The following PCDHGA1 variants were observed in gnomAD, a reference collection of about 807,000 sequenced individuals.
The protein encoded by PCDHGA1 is protocadherin gamma-A1.
PCDHGA1 carries 32 observed loss-of-function variants against 58.0 expected under a neutral mutation model. The ratio of observed to expected loss-of-function variants is 0.55; its 90% CI spans 0.42 to 0.74. PCDHGA1 has a LOEUF of 0.74. Ranked by LOEUF, PCDHGA1 falls within the 30% of genes least tolerant of loss-of-function variation. The probability of loss-of-function intolerance (pLI) is 0.00; values close to 1 mark genes in which losing one functional copy is unlikely to be tolerated. For synonymous variants in PCDHGA1, 498 were observed against 501.1 expected (o/e 0.99, Z 0.08); for missense variants, 1,205 against 1,182.3 (o/e 1.02, Z -0.28).
In PCDHGA1 at chr5:141,486,600, C is replaced by G. The variant is rs748395954; in HGVS notation, c.2422-8207C>G. Reference sequence around the variant, plus strand: ...AATCGCCCAGGGGACCTGCTTTGCTCCCTTGCAGCCTCTGACCCAGACTCT... The same window carrying G: ...AATCGCCCAGGGGACCTGCTTTGCTGCCTTGCAGCCTCTGACCCAGACTCT... On this transcript the variant is annotated intron_variant, in intron 1 of 3. Transcript: ENST00000517417. This position sits in a 1 kb window ranked among gnomAD's most constrained non-coding sequence, Gnocchi z 5.0. 21 of 1,613,602 alleles carry G rather than the reference C, an allele frequency of 1.3e-5. No individual in the cohort carries two copies. Among genetic ancestry groups the G allele is most frequent in the South Asian group, 2.2e-5 (2 of 91,086 alleles).
In PCDHGA1 at chr5:141,485,126, G is replaced by C; in HGVS notation, c.2422-9681G>C. ...TGCTGTGGCTGTTTGGGGCGGGTCG[G>C]CTTCATCCGCGTCTCAGGAGCAAGT... On this transcript the variant is annotated intron_variant, in intron 1 of 3. Transcript: ENST00000517417. The surrounding 1 kb of genome is among the most constrained non-coding windows in gnomAD (Gnocchi z 5.7). 1.4e-6 allele frequency: 2 copies of C among 1,432,378 alleles called. No homozygotes were observed. The highest frequency in any genetic ancestry group is 2.4e-5 in the South Asian group (2 of 81,724). 88.7% of individuals were successfully genotyped at this position (1,432,378 alleles called of 1,614,324 possible). A position where few individuals can be genotyped will look rare whatever the true frequency, so the allele number is the denominator to read the frequency against.
chr5:141,381,910 A>G (rs1007248325), intron 1 of PCDHGA1, among the ~76,000 whole-genome samples: 10 of 130,320 alleles, frequency 7.7e-5, no homozygotes, highest in Admixed American at 5.1e-4. Context: ...GCTCACCACA[A>G]CCTCCACCTC....
intron 1 of PCDHGA1, chr5:141,341,083 C>T: frequency 6.2e-6 from 10 of 1,614,244 alleles, no homozygotes; most frequent in Non-Finnish European, 8.5e-6. Flanking sequence ...CCTGCGTCTT[C>T]CTGGCCTTCG....
rs528006670 is a variant in PCDHGA1, at chr5:141,337,093, C to T, written c.2421+3988C>T. 2.0e-4 allele frequency among the ~76,000 whole-genome samples: 28 copies of T among 142,066 alleles called. 1 individual carries two copies. The highest frequency in any genetic ancestry group is 3.5e-3 in the Middle Eastern group (1 of 288). The allele number at this position is 142,066 out of a possible 152,430, so 93.2% of individuals were successfully genotyped here. A position where few individuals can be genotyped will look rare whatever the true frequency, so the allele number is the denominator to read the frequency against. On this transcript the variant is annotated intron_variant, in intron 1 of 3. Transcript: ENST00000517417. ...CCATAATGAGATACTACTCCACATT[C>T]ATTAGAATTGCTGTCATAAAAGAAA...
intron 1 of PCDHGA1, chr5:141,428,370 C>A: frequency 1.8e-6 from 1 of 540,734 alleles, no homozygotes; most frequent in Non-Finnish European, 3.4e-6. Flanking sequence ...TCGCCTTGCA[C>A]CTGCGATGCT....
chr5:141,401,171 G>A (rs1222326375), intron 1 of PCDHGA1, among the ~76,000 whole-genome samples: 1 of 152,054 alleles, frequency 6.6e-6, no homozygotes, highest in African/African-American at 2.4e-5. Context: ...GTGAAAACCC[G>A]TCTCTACTAA....
chr5:141,393,805 C>T (rs1266380650), intron 1 of PCDHGA1: 3 of 1,613,914 alleles, frequency 1.9e-6, no homozygotes, highest in South Asian at 1.1e-5. Flanking sequence ...CTGGGGAGGA[C>T]CAAATTGCTC....
chr5:141,485,867 G>A lies in PCDHGA1; in HGVS notation c.2422-8940G>A. On this transcript the variant is annotated intron_variant, in intron 1 of 3. Coordinates refer to ENST00000517417, the MANE Select transcript of PCDHGA1 (RefSeq NM_018912.3). The surrounding 1 kb of genome is among the most constrained non-coding windows in gnomAD (Gnocchi z 5.7). ...TGGCACCGCAGAGCTCCGGGTATCC[G>A]TGCTGGACGTAAACGACAACGCCCC... The A allele has an allele frequency of 1.9e-6, 3 of 1,614,164 alleles. No homozygotes were observed. Among genetic ancestry groups the A allele is most frequent in the Non-Finnish European group, 8.5e-7 (1 of 1,180,040 alleles).
At position 141,330,659 on chromosome 5, in the gene PCDHGA1, G is replaced by A. The variant is rs750013673; in HGVS notation, c.-26G>A. The stretch of plus-strand genomic sequence containing the variant: ...AAACGATACCCTTGGTACTGGACTG[G>A]AAGAAAACTACGAAGTGAGAGAGCC... On this transcript the variant is annotated 5_prime_UTR_variant, in exon 1 of 4. Coordinates refer to ENST00000517417, the MANE Select transcript of PCDHGA1 (RefSeq NM_018912.3). 9 of 1,579,988 alleles carry A rather than the reference G, an allele frequency of 5.7e-6. No individual in the cohort carries two copies. The highest frequency in any genetic ancestry group is 7.7e-6 in the Non-Finnish European group (9 of 1,161,706).
chr5:141,339,082 A>G (rs1177306848), intron 1 of PCDHGA1: 2 of 1,614,196 alleles, frequency 1.2e-6, no homozygotes, highest in Admixed American at 1.7e-5. Flanking sequence ...CTGTGCGGGA[A>G]GAGATCGACA....
chr5:141,511,031 A>G lies in PCDHGA1; in HGVS notation c.2654A>G (p.Gln885Arg). 6.2e-7 allele frequency: 1 copy of G among 1,614,244 alleles called. No individual in the cohort carries two copies. The highest frequency in any genetic ancestry group is 8.5e-7 in the Non-Finnish European group (1 of 1,180,034). ...SARYGPQFTL[Q>R]HVPDYRQNVY... Reference sequence around the variant, plus strand: ...CGCTACGGACCCCAGTTCACCCTGCAGCACGTGCCCGACTACCGCCAGAAT... The same window carrying G: ...CGCTACGGACCCCAGTTCACCCTGCGGCACGTGCCCGACTACCGCCAGAAT... The change falls in exon 4 of 4, where the codon CAG (glutamine) becomes CGG (arginine). Residue 885 changes from glutamine to arginine, a missense_variant. Gln to Arg is a conservative substitution (Grantham distance 43). Coordinates refer to ENST00000517417, the MANE Select transcript of PCDHGA1 (RefSeq NM_018912.3).
chr5:141,382,666 G>A (rs910632221), intron 1 of PCDHGA1: 20 of 422,596 alleles, frequency 4.7e-5, no homozygotes, highest in African/African-American at 3.6e-4. Flanking sequence ...TCACAGCGCC[G>A]CTGTTCACCA....
At chr5:141,394,112 C>G (rs771784855) in intron 1 of PCDHGA1, 9 of 1,613,946 alleles carry the variant, frequency 5.6e-6, no homozygotes, top group African/African-American at 2.7e-5. Flanking sequence ...CACCTCTGTC[C>G]ACTGAAACTC....
rs748605515 is a variant in PCDHGA1 at position 141,486,688 on chromosome 5, C to T, written c.2422-8119C>T. ...CCAGGAATCGAGATGTATCAGCTTC[C>T]TCTTTCATCTCTCTGAACCCCCAGA... On this transcript the variant is annotated intron_variant, in intron 1 of 3. Transcript: ENST00000517417. The surrounding 1 kb of genome is among the most constrained non-coding windows in gnomAD (Gnocchi z 5.0). 2 of 1,614,170 alleles carry T rather than the reference C, an allele frequency of 1.2e-6. No individual in the cohort carries two copies. The highest frequency in any genetic ancestry group is 1.1e-5 in the South Asian group (1 of 91,086).
chr5:141,359,948 A>C, intron 1 of PCDHGA1: 1 of 539,450 alleles, frequency 1.9e-6, no homozygotes, highest in Non-Finnish European at 3.0e-6. Context: ...GCTGTTGGTC[A>C]AAAGAACGAA....
intron 1 of PCDHGA1, among the ~76,000 whole-genome samples, chr5:141,494,328 G>T (rs1595238527): frequency 6.6e-6 from 1 of 152,200 alleles, no homozygotes; most frequent in Non-Finnish European, 1.5e-5. Flanking sequence ...CACCAAAAGG[G>T]TTACCAAGAA....
At chr5:141,473,779 T>C (rs2099328680) in intron 1 of PCDHGA1, among the ~76,000 whole-genome samples, 1 of 152,204 alleles carries the variant, frequency 6.6e-6, no homozygotes, top group Non-Finnish European at 1.5e-5. Context: ...GGTATTTTAA[T>C]TCAAGAGCAG....
intron 1 of PCDHGA1, chr5:141,375,115 A>G (rs987989099): frequency 1.2e-6 from 2 of 1,613,958 alleles, no homozygotes; most frequent in Non-Finnish European, 1.7e-6. Flanking sequence ...ATGATAATGT[A>G]CCAGAAGTGG....
intron 1 of PCDHGA1, chr5:141,403,389 C>A (rs764725441): frequency 1.9e-6 from 3 of 1,614,050 alleles, no homozygotes; most frequent in Non-Finnish European, 2.5e-6. Flanking sequence ...AACGAAATCG[C>A]GGTTCCTGGA....
Sources: gnomAD v4.1 joint callset for allele counts (sites outside exome capture counted in the v4.1 genomes callset) on GRCh38, gnomAD v4.1.1 for gene constraint, Gnocchi (gnomAD v3.1) non-coding constraint, MANE v1.5 for transcripts, NCBI Gene and HGNC (gene_info 2026-07-23, HGNC 2026-07-21) for gene names.